COBL: variants seen among roughly 807,000 people sequenced by gnomAD.
COBL encodes the protein protein cordon-bleu.
A neutral mutation model predicts 98.8 loss-of-function variants in COBL; 51 were observed. The ratio of observed to expected loss-of-function variants is 0.52; its 90% confidence interval spans 0.41 to 0.65. The LOEUF is 0.65. Ranked by LOEUF, COBL falls within the 30% of genes least tolerant of loss-of-function variation. COBL has a pLI of 0.00. For missense variants in COBL, 1,617 were observed against 1,617.5 expected, an observed-to-expected ratio of 1.00 and a Z score of 0.01; for synonymous variants, 634 against 651.7, an observed-to-expected ratio of 0.97 and a Z score of 0.41.
chr7:51,270,177 G>C (rs929534716), intron 1 of COBL, among the ~76,000 whole-genome samples: 4 of 152,280 alleles, frequency 2.6e-5, no homozygotes, highest in Non-Finnish European at 5.9e-5. Context: ...GGCTTGGCTG[G>C]AGCGAAATAA....
intron 1 of COBL, among the ~76,000 whole-genome samples, chr7:51,283,430 G>A (rs943016961): frequency 6.6e-6 from 1 of 152,200 alleles, no homozygotes; most frequent in South Asian, 2.1e-4. Flanking sequence ...ACTCATTAAA[G>A]ATTAAATAGA....
At chr7:51,098,236 T>TTTTTTTTTTTTG (rs1433351343) in intron 6 of COBL, among the ~76,000 whole-genome samples, 1 of 148,488 alleles carries the variant, frequency 6.7e-6, no homozygotes, top group African/African-American at 2.5e-5. Context: ...TTTTTTTTTT[T>TTTTTTTTTTTTG]GGAGAAATAG....
chr7:51,221,038 C>T (rs540369636), intron 1 of COBL, among the ~76,000 whole-genome samples: 112 of 152,270 alleles, frequency 7.4e-4, no homozygotes, highest in African/African-American at 2.7e-3. Context: ...TTAACATCCA[C>T]TAGGACCTAT....
Position 51,016,929 on chromosome 7 carries a change from A to G in COBL, c.*622T>C. ...GGTAATAGTTGATTTTTAAAAGCTT[A>G]GTTGGTCAGATCATGGACTGTGACC... On this transcript the variant is annotated 3_prime_UTR_variant, in exon 13 of 13. Transcript: ENST00000265136. The G allele has an allele frequency of 2.5e-6, 1 of 399,482 alleles. No homozygotes were observed. Among genetic ancestry groups the G allele is most frequent in the East Asian group, 3.6e-5 (1 of 28,094 alleles). 24.7% of individuals were successfully genotyped at this position (399,482 alleles called of 1,614,324 possible).
At chr7:51,125,946 A>C (rs1375374250) in intron 6 of COBL, among the ~76,000 whole-genome samples, 1 of 152,194 alleles carries the variant, frequency 6.6e-6, no homozygotes, top group African/African-American at 2.4e-5. Flanking sequence ...TGTAATTTCT[A>C]TATCGTTTAA....
At chr7:51,127,712 C>A (rs1413787713) in intron 6 of COBL, among the ~76,000 whole-genome samples, 1 of 152,134 alleles carries the variant, frequency 6.6e-6, no homozygotes, top group Non-Finnish European at 1.5e-5. Context: ...TCCCTCTGGC[C>A]TGAAGGCTGG....
chr7:51,147,610 T>C (rs1785147392), intron 5 of COBL, among the ~76,000 whole-genome samples: 1 of 152,144 alleles, frequency 6.6e-6, no homozygotes, highest in African/African-American at 2.4e-5. Context: ...TGTGGAATGC[T>C]GAGAAAGGTG....
chr7:51,143,246 G>A (rs1413872406), intron 5 of COBL, among the ~76,000 whole-genome samples: 1 of 152,074 alleles, frequency 6.6e-6, no homozygotes, highest in Non-Finnish European at 1.5e-5. Context: ...GGTCAGATGC[G>A]AGATTTCAGC....
chr7:51,030,870 G>T lies in COBL; in HGVS notation c.1446C>A (p.Asp482Glu). The T allele has an allele frequency of 6.2e-7, 1 of 1,612,976 alleles. No homozygotes were observed. The highest frequency in any genetic ancestry group is 8.5e-7 in the Non-Finnish European group (1 of 1,179,338). ...KAVTASNDEE[D>E]LLIAGEFRKT... ...TACGGAACTCTCCAGCAATTAATAG[G>T]TCTTCTTCATCATTTGAGGCTGTGA... is the stretch of plus-strand genomic sequence containing the variant. The change falls in exon 9 of 13, where the codon GAC (aspartate) becomes GAA (glutamate). Residue 482 changes from aspartate (D) to glutamate (E), a missense_variant. By Grantham distance (45) the Asp-to-Glu change is conservative. Coordinates refer to ENST00000265136, the MANE Select transcript of COBL (RefSeq NM_015198.5).
At chr7:51,077,101 A>G (rs986152927) in intron 7 of COBL, among the ~76,000 whole-genome samples, 1 of 152,254 alleles carries the variant, frequency 6.6e-6, no homozygotes, top group African/African-American at 2.4e-5. Flanking sequence ...GCAGAAAGCA[A>G]GCTGATTCGA....
chr7:51,127,619 A>T (rs965475563), intron 6 of COBL, among the ~76,000 whole-genome samples: 1 of 152,208 alleles, frequency 6.6e-6, no homozygotes, highest in Non-Finnish European at 1.5e-5. Context: ...AGACTAAAGC[A>T]TTCACAATAG....
intron 1 of COBL, among the ~76,000 whole-genome samples, chr7:51,274,545 T>C (rs985338357): frequency 1.3e-5 from 2 of 152,234 alleles, no homozygotes; most frequent in African/African-American, 4.8e-5. Context: ...TGTCTGGTGC[T>C]GGGCAGAGAA....
chr7:51,152,283 A>G (rs1785637060), intron 5 of COBL, among the ~76,000 whole-genome samples: 1 of 152,218 alleles, frequency 6.6e-6, no homozygotes, highest in African/African-American at 2.4e-5. Context: ...CCATTTAACC[A>G]TAAGTCAAAT....
chr7:51,200,923 G>A (rs746857792), intron 2 of COBL, among the ~76,000 whole-genome samples: 1 of 152,094 alleles, frequency 6.6e-6, no homozygotes, highest in African/African-American at 2.4e-5. Flanking sequence ...AATAAAGAAT[G>A]AAGAATGATA....
intron 6 of COBL, among the ~76,000 whole-genome samples, chr7:51,109,603 C>T (rs1414948474): frequency 2.0e-5 from 3 of 152,072 alleles, no homozygotes; most frequent in African/African-American, 4.8e-5. Context: ...CCCTCTCTGT[C>T]GTTCTGTCTC....
At chr7:51,209,827 C>T (rs779747468) in intron 2 of COBL, among the ~76,000 whole-genome samples, 2 of 152,116 alleles carry the variant, frequency 1.3e-5, no homozygotes, top group Non-Finnish European at 2.9e-5. Flanking sequence ...CTGTCTCTAC[C>T]CAGTAAACAG....
chr7:51,166,199 A>G (rs1787305893), intron 5 of COBL, among the ~76,000 whole-genome samples: 1 of 152,040 alleles, frequency 6.6e-6, no homozygotes, highest in African/African-American at 2.4e-5. Context: ...GTTAAACAAA[A>G]TTGACAAACC....
rs1794318486 is a variant in COBL, at chr7:51,086,920, T to C, written c.958-1616A>G. 2.6e-5 allele frequency among the ~76,000 whole-genome samples: 4 copies of C among 151,996 alleles called. 1 individual carries two copies. Among genetic ancestry groups the C allele is most frequent in the Non-Finnish European group, 5.9e-5 (4 of 68,006 alleles). On this transcript the variant is annotated intron_variant, in intron 6 of 12. Coordinates refer to ENST00000265136, the MANE Select transcript of COBL (RefSeq NM_015198.5). ...ACATAACAGAAAGTAAATAACCCCA[T>C]AAAGATGAGTCAAAACCAGCAATTT...
chr7:51,246,554 T>C (rs1026593020), intron 1 of COBL, among the ~76,000 whole-genome samples: 4 of 152,112 alleles, frequency 2.6e-5, no homozygotes, highest in Non-Finnish European at 5.9e-5. Context: ...CCCCGTGAGG[T>C]GGAGAGAGAA....
Sources: gnomAD v4.1 joint callset for allele counts (sites outside exome capture counted in the v4.1 genomes callset) on GRCh38, gnomAD v4.1.1 for gene constraint, MANE v1.5 for transcripts, NCBI Gene and HGNC (gene_info 2026-07-23, HGNC 2026-07-21) for gene names.